Variants in ALK observed in about 807,000 individuals in gnomAD.
The protein encoded by ALK is ALK tyrosine kinase receptor.
In ALK, 74 loss-of-function variants were observed where a neutral mutation model predicts 163.1. The ratio of observed to expected loss-of-function variants is 0.45; its 90% confidence interval spans 0.38 to 0.55. ALK has a LOEUF of 0.55. ALK is among the 20% of genes least tolerant of loss of function. ALK has a pLI of 0.00. For synonymous variants in ALK, 960 were observed against 843.2 expected, an observed-to-expected ratio of 1.14 and a Z score of -2.40; for missense variants, 2,063 against 2,105.3, an observed-to-expected ratio of 0.98 and a Z score of 0.39.
chr2:29,591,479 G>C (rs969481683), intron 3 of ALK, among the ~76,000 whole-genome samples: 1 of 152,134 alleles, frequency 6.6e-6, no homozygotes, highest in Non-Finnish European at 1.5e-5. Flanking sequence ...CACCTCCCCA[G>C]TCACACCCCA....
At chr2:29,300,315 G>A (rs1203663658) in intron 8 of ALK, among the ~76,000 whole-genome samples, 10 of 152,104 alleles carry the variant, frequency 6.6e-5, no homozygotes. Context: ...CTGGGAGGCC[G>A]AGTCAGGTGG....
chr2:29,193,442 T>C lies in ALK; in HGVS notation c.4645A>G (p.Arg1549Gly). 1 of 1,614,148 alleles carries C rather than the reference T, an allele frequency of 6.2e-7. No homozygotes were observed. The highest frequency in any genetic ancestry group is 8.5e-7 in the Non-Finnish European group (1 of 1,180,024). Residue 1549 changes from arginine (R) to glycine (G), a missense_variant, in exon 29 of 29, where the codon AGA becomes GGA. Coordinates refer to ENST00000389048, the MANE Select transcript of ALK (RefSeq NM_004304.5). ...AGGAGCAGTGAGGCCCCCGGAAGTC[T>C]CCCAGTTGCAACGTTAGGTGGGACA... ...CTVPPNVATG[R>G]LPGASLLLEP...
chr2:29,811,280 G>A (rs1664752046), intron 1 of ALK, among the ~76,000 whole-genome samples: 1 of 152,128 alleles, frequency 6.6e-6, no homozygotes, highest in Non-Finnish European at 1.5e-5. Context: ...ACATGAAGTA[G>A]CTTGAGGAGG....
At chr2:29,378,690 A>G (rs957874492) in intron 5 of ALK, among the ~76,000 whole-genome samples, 5 of 152,106 alleles carry the variant, frequency 3.3e-5, no homozygotes, top group Non-Finnish European at 7.4e-5. Context: ...GTTCAGGGCC[A>G]TGCTGATCCT....
chr2:29,265,134 C>T (rs1665185939), intron 11 of ALK, among the ~76,000 whole-genome samples: 1 of 152,122 alleles, frequency 6.6e-6, no homozygotes, highest in African/African-American at 2.4e-5. Flanking sequence ...ATTCTCGTGC[C>T]TTGGCCTCTC....
intron 25 of ALK, among the ~76,000 whole-genome samples, chr2:29,208,608 C>T (rs963316117): frequency 5.3e-5 from 8 of 152,126 alleles, no homozygotes; most frequent in Admixed American, 3.9e-4. Context: ...TGCTGCTGCC[C>T]CGTGGTAACA....
intron 4 of ALK, among the ~76,000 whole-genome samples, chr2:29,437,718 C>T (rs1391869192): frequency 6.6e-6 from 1 of 152,188 alleles, no homozygotes. Context: ...AATTACCCAA[C>T]AAAGCCCAAA....
At chr2:29,774,149 G>A (rs1221549897) in intron 1 of ALK, among the ~76,000 whole-genome samples, 1 of 152,144 alleles carries the variant, frequency 6.6e-6, no homozygotes, top group Non-Finnish European at 1.5e-5. Flanking sequence ...TTTACAAACA[G>A]GATGCTTAAT....
chr2:29,387,426 G>A (rs1368018766), intron 4 of ALK, among the ~76,000 whole-genome samples: 4 of 152,130 alleles, frequency 2.6e-5, no homozygotes, highest in African/African-American at 9.7e-5. Flanking sequence ...AAGGCAGGAG[G>A]GTTGGCTTGT....
chr2:29,306,612 A>T (rs1385629531), intron 8 of ALK, among the ~76,000 whole-genome samples: 1 of 152,210 alleles, frequency 6.6e-6, no homozygotes, highest in East Asian at 1.9e-4. Flanking sequence ...GTGAATTTTA[A>T]TGCATTTACA....
chr2:29,842,707 G>A lies in ALK; in HGVS notation c.667+77286C>T, dbSNP rs1003841438. 2.0e-5 allele frequency among the ~76,000 whole-genome samples: 3 copies of A among 152,198 alleles called. No individual in the cohort carries two copies. In the East Asian group the frequency reaches 5.8e-4, roughly 29 times the overall value. On this transcript the variant is annotated intron_variant, in intron 1 of 28. Coordinates refer to ENST00000389048, the MANE Select transcript of ALK (RefSeq NM_004304.5). ...ATAGTAAGAAAGGACTGAGCAGGCAGGGCTCATTTCTATCAGAGCAGCTTT... is the reference window on the plus strand; with the variant it reads ...ATAGTAAGAAAGGACTGAGCAGGCAAGGCTCATTTCTATCAGAGCAGCTTT...
At chr2:29,828,302 C>A (rs543011091) in intron 1 of ALK, among the ~76,000 whole-genome samples, 28 of 152,220 alleles carry the variant, frequency 1.8e-4, no homozygotes, top group East Asian at 3.9e-4. Context: ...GCAACAAAAG[C>A]CAAAATTGAC....
intron 1 of ALK, among the ~76,000 whole-genome samples, chr2:29,884,455 G>C (rs530220389): frequency 1.3e-5 from 2 of 151,908 alleles, no homozygotes; most frequent in Non-Finnish European, 2.9e-5. Flanking sequence ...CCAGCATAAA[G>C]ACCATTGTAA....
chr2:29,534,095 A>T (rs998896650), intron 3 of ALK, among the ~76,000 whole-genome samples: 10 of 152,126 alleles, frequency 6.6e-5, no homozygotes, highest in African/African-American at 2.4e-4. Flanking sequence ...GTGTAACCAG[A>T]CCACAGAGAG....
Position 29,918,936 on chromosome 2 carries a change from T to C in ALK, c.667+1057A>G, listed in dbSNP as rs555100486. ...TCTGTGCCTTTCTTATTCATTTACA[T>C]TGTATATTTTATTCACAAGTCTTCC... On this transcript the variant is annotated intron_variant, in intron 1 of 28. Transcript: ENST00000389048. Among the ~76,000 whole-genome samples, 8 of 152,342 alleles carry C rather than the reference T, an allele frequency of 5.3e-5. No homozygotes were observed. The East Asian group carries it at 1.5e-3, about 29-fold the overall frequency.
At chr2:29,355,590 C>T (rs1668229020) in intron 5 of ALK, among the ~76,000 whole-genome samples, 1 of 152,162 alleles carries the variant, frequency 6.6e-6, no homozygotes, top group African/African-American at 2.4e-5. Context: ...GCCCAATGGG[C>T]CCTAGCAGTA....
At chr2:29,871,677 C>T (rs1402538885) in intron 1 of ALK, among the ~76,000 whole-genome samples, 2 of 152,158 alleles carry the variant, frequency 1.3e-5, no homozygotes, top group African/African-American at 4.8e-5. Flanking sequence ...ACAGTGGTTG[C>T]TACTAATATC....
chr2:29,432,737 C>CTTT (rs796207262), intron 4 of ALK, among the ~76,000 whole-genome samples: 44 of 140,830 alleles, frequency 3.1e-4, no homozygotes, highest in Middle Eastern at 3.8e-3. Flanking sequence ...TAGCCTTTTC[C>CTTT]TTTTTTTTTT....
intron 26 of ALK, among the ~76,000 whole-genome samples, chr2:29,198,771 C>T (rs76881396): frequency 0.015 from 2,257 of 152,116 alleles, 57 homozygotes; most frequent in African/African-American, 0.052. Flanking sequence ...CTTGATAATT[C>T]ACATGGTTGG....
Sources: gnomAD v4.1 joint callset for allele counts (sites outside exome capture counted in the v4.1 genomes callset) on GRCh38, gnomAD v4.1.1 for gene constraint, MANE v1.5 for transcripts, NCBI Gene and HGNC (gene_info 2026-07-23, HGNC 2026-07-21) for gene names.